The following RETREG1 variants were observed in gnomAD, a reference collection of about 807,000 sequenced individuals.
The protein encoded by RETREG1 is family with sequence similarity 134 member B.
In RETREG1, 44 loss-of-function variants were observed where a neutral mutation model predicts 54.8. The ratio of observed to expected loss-of-function variants is 0.80; its 90% CI spans 0.63 to 1.03. RETREG1 has a LOEUF of 1.03. Among genes scored for constraint, RETREG1 ranks in the 50% least tolerant of loss-of-function variants. The pLI is 0.00. For missense variants in RETREG1, 554 were observed against 605.1 expected (o/e 0.92, Z 0.89); for synonymous variants, 217 against 238.5 (o/e 0.91, Z 0.83).
chr5:16,549,864 C>A (rs1321400840), intron 3 of RETREG1, among the ~76,000 whole-genome samples: 1 of 152,116 alleles, frequency 6.6e-6, no homozygotes, highest in Non-Finnish European at 1.5e-5. Context: ...ACATCAAAAA[C>A]AATCTAGAAC....
At chr5:16,539,482 G>T (rs1741176148) in intron 3 of RETREG1, among the ~76,000 whole-genome samples, 1 of 152,112 alleles carries the variant, frequency 6.6e-6, no homozygotes, top group Non-Finnish European at 1.5e-5. Flanking sequence ...GGCCCGGTCG[G>T]TCGGAGCGAG....
At chr5:16,543,182 A>C (rs1015387674) in intron 3 of RETREG1, among the ~76,000 whole-genome samples, 4 of 152,104 alleles carry the variant, frequency 2.6e-5, no homozygotes, top group Non-Finnish European at 5.9e-5. Context: ...ACTCACTTTT[A>C]TTGTTGAGCA....
chr5:16,501,218 T>C (rs1739696618), intron 3 of RETREG1, among the ~76,000 whole-genome samples: 2 of 152,212 alleles, frequency 1.3e-5, no homozygotes, highest in Admixed American at 1.3e-4. Flanking sequence ...AAAGTAGGTA[T>C]TATTATGCCC....
At chr5:16,508,310 G>A (rs1740041667) in intron 3 of RETREG1, among the ~76,000 whole-genome samples, 1 of 152,078 alleles carries the variant, frequency 6.6e-6, no homozygotes, top group Non-Finnish European at 1.5e-5. Flanking sequence ...TATGTGCTGG[G>A]AAACACTTTT....
chr5:16,488,870 A>G (rs1424714516), intron 3 of RETREG1, among the ~76,000 whole-genome samples: 1 of 151,938 alleles, frequency 6.6e-6, no homozygotes, highest in Non-Finnish European at 1.5e-5. Context: ...AGATCATGAG[A>G]TCAGGAGATC....
intron 3 of RETREG1, among the ~76,000 whole-genome samples, chr5:16,510,725 G>A (rs1183667133): frequency 1.3e-5 from 2 of 150,734 alleles, no homozygotes; most frequent in Non-Finnish European, 2.9e-5. Flanking sequence ...GGGAGGCGGA[G>A]GTTGCTGTAA....
intron 3 of RETREG1, chr5:16,508,452 A>G: frequency 1.1e-6 from 1 of 925,954 alleles, no homozygotes; most frequent in Non-Finnish European, 1.7e-6. Context: ...CCTGGAATTA[A>G]AGGACTGCAT....
At chr5:16,522,490 A>G (rs1579642844) in intron 3 of RETREG1, among the ~76,000 whole-genome samples, 1 of 152,192 alleles carries the variant, frequency 6.6e-6, no homozygotes, top group African/African-American at 2.4e-5. Flanking sequence ...AACACCTTCA[A>G]TGACTAGAAA....
At chr5:16,495,147 G>T (rs1179081524) in intron 3 of RETREG1, among the ~76,000 whole-genome samples, 5 of 152,290 alleles carry the variant, frequency 3.3e-5, no homozygotes, top group African/African-American at 1.2e-4. Context: ...TGTTCAAGAT[G>T]TAGCCTGGCT....
At chr5:16,577,868 C>T (rs146200857) in intron 1 of RETREG1, among the ~76,000 whole-genome samples, 7 of 152,310 alleles carry the variant, frequency 4.6e-5, no homozygotes, top group East Asian at 1.9e-4. Context: ...CGATGTAAGA[C>T]GTGTCTTTCA....
At chr5:16,475,549 G>A (rs116690061) in intron 8 of RETREG1, among the ~76,000 whole-genome samples, 251 of 152,266 alleles carry the variant, frequency 1.6e-3, no homozygotes, top group African/African-American at 5.8e-3. Context: ...TAAAGTTTAA[G>A]CATTTACTAT....
chr5:16,554,787 T>G (rs555655938), intron 3 of RETREG1, among the ~76,000 whole-genome samples: 12 of 152,196 alleles, frequency 7.9e-5, no homozygotes, highest in Non-Finnish European at 1.8e-4. Flanking sequence ...CTGATCCCAG[T>G]CACTATGGCT....
intron 3 of RETREG1, among the ~76,000 whole-genome samples, chr5:16,491,665 G>C (rs33690): frequency 0.6 from 91,123 of 151,960 alleles, 27,688 homozygotes; most frequent in Admixed American, 0.73. Flanking sequence ...GTCATCTATA[G>C]GGAAGAGTTT....
At chr5:16,543,213 A>G (rs1457951270) in intron 3 of RETREG1, among the ~76,000 whole-genome samples, 1 of 152,240 alleles carries the variant, frequency 6.6e-6, no homozygotes, top group Non-Finnish European at 1.5e-5. Flanking sequence ...ATATGGATAT[A>G]CCACAATTTA....
At chr5:16,606,720 C>T (rs1383758084) in intron 1 of RETREG1, among the ~76,000 whole-genome samples, 3 of 152,164 alleles carry the variant, frequency 2.0e-5, no homozygotes, top group Admixed American at 1.3e-4. Context: ...AATCCATCTC[C>T]TCTTCCCCAA....
chr5:16,506,426 G>A (rs1012423896), intron 3 of RETREG1, among the ~76,000 whole-genome samples: 14 of 151,808 alleles, frequency 9.2e-5, no homozygotes, highest in East Asian at 1.9e-4. Context: ...ATTTCATCTC[G>A]AAGGTAGCAA....
chr5:16,613,484 T>G (rs1454606461), intron 1 of RETREG1, among the ~76,000 whole-genome samples: 1 of 152,166 alleles, frequency 6.6e-6, no homozygotes, highest in Non-Finnish European at 1.5e-5. Context: ...CACACTTAAT[T>G]CATGCAACTT....
chr5:16,565,271 T>C (rs1741976251), intron 3 of RETREG1, among the ~76,000 whole-genome samples: 1 of 152,162 alleles, frequency 6.6e-6, no homozygotes, highest in Admixed American at 6.5e-5. Flanking sequence ...AGGAGCCCAC[T>C]GGCAGTCAGC....
intron 1 of RETREG1, among the ~76,000 whole-genome samples, chr5:16,587,899 G>T (rs1742664374): frequency 6.6e-6 from 1 of 152,130 alleles, no homozygotes; most frequent in Non-Finnish European, 1.5e-5. Flanking sequence ...CCCAGCTCCA[G>T]CCAATCCCTT....
Sources: gnomAD v4.1 joint callset for allele counts (sites outside exome capture counted in the v4.1 genomes callset) on GRCh38, gnomAD v4.1.1 for gene constraint, MANE v1.5 for transcripts, NCBI Gene and HGNC (gene_info 2026-07-23, HGNC 2026-07-21) for gene names.